Variants in SLC35G1 observed in about 807,000 individuals in gnomAD.
The protein encoded by SLC35G1 is partner of STIM1.
In SLC35G1, 10 loss-of-function variants were observed where a neutral mutation model predicts 17.1. That is an observed-to-expected ratio of 0.59 (90% CI 0.36 to 0.99). The LOEUF (loss-of-function observed/expected upper bound fraction) is 0.99. SLC35G1 is among the 50% of genes least tolerant of loss of function. SLC35G1 has a pLI of 0.01. For synonymous variants in SLC35G1, 185 were observed against 181.1 expected, an observed-to-expected ratio of 1.02 and a Z score of -0.18; for missense variants, 433 against 468.4, an observed-to-expected ratio of 0.92 and a Z score of 0.70.
Position 93,901,142 on chromosome 10 carries a change from C to T in SLC35G1, c.750C>T (p.Asp250=). 1 of 1,614,084 alleles carries T rather than the reference C, an allele frequency of 6.2e-7. No individual in the cohort carries two copies. The highest frequency in any genetic ancestry group is 8.5e-7 in the Non-Finnish European group (1 of 1,179,978). The change falls in exon 3 of 3, where the codon GAC becomes GAT. Residue 250 remains aspartate (D), a synonymous_variant. Transcript: ENST00000427197. ...VILRKMGKSV[D]YFLSIWYYVV... ...TAAGAAAAATGGGAAAATCTGTGGACTACTTTCTGAGCATTTGGTATTATG... is the reference window on the plus strand; with the variant it reads ...TAAGAAAAATGGGAAAATCTGTGGATTACTTTCTGAGCATTTGGTATTATG...
rs554614167 is a variant in SLC35G1 at position 93,894,521 on chromosome 10, A to G, written c.178+310A>G. On this transcript the variant is annotated intron_variant, in intron 1 of 2. Coordinates refer to ENST00000427197, the MANE Select transcript of SLC35G1 (RefSeq NM_001134658.3). ...ACTGCAGTTTGGCGTACCCTCCCCTAGGTCGTAGGTGGGGGGTCAGCGAGA... is the reference window on the plus strand; with the variant it reads ...ACTGCAGTTTGGCGTACCCTCCCCTGGGTCGTAGGTGGGGGGTCAGCGAGA... Among the ~76,000 whole-genome samples, 6 of 152,040 alleles carry G rather than the reference A, an allele frequency of 3.9e-5. No homozygotes were observed. In the South Asian group the frequency reaches 1.0e-3, roughly 26 times the overall value.
rs910223766 is a variant in SLC35G1, at chr10:93,894,026, G to T, written c.-8G>T. 14 of 1,412,152 alleles carry T rather than the reference G, an allele frequency of 9.9e-6. No individual in the cohort carries two copies. The highest frequency in any genetic ancestry group is 3.2e-5 in the Admixed American group (1 of 31,430). The allele number at this position is 1,412,152 out of a possible 1,614,324, so 87.5% of individuals were successfully genotyped here. ...GGCACCGGCCGCTGGTAGAGCGCGT[G>T]CCGCGAGATGCGGCCTCAGGACAGC... On this transcript the variant is annotated 5_prime_UTR_variant, in exon 1 of 3. Coordinates refer to ENST00000427197, the MANE Select transcript of SLC35G1 (RefSeq NM_001134658.3).
rs775445213 is a variant in SLC35G1, at chr10:93,901,398, G to A, written c.1006G>A (p.Val336Met). The change falls in exon 3 of 3, where the codon GTG becomes ATG. Residue 336 changes from valine to methionine, a missense_variant. Coordinates refer to ENST00000427197, the MANE Select transcript of SLC35G1 (RefSeq NM_001134658.3). ...CTTTCAGATTATTTTCTTTAATAAT[G>A]TGCCAACGTGGTGGACAGTGGGTGG... Reference protein sequence around the residue: ...FIFQIIFFNNVPTWWTVGGAL... With the variant: ...FIFQIIFFNNMPTWWTVGGAL... 4 of 1,614,110 alleles carry A rather than the reference G, an allele frequency of 2.5e-6. No homozygotes were observed. Among genetic ancestry groups the A allele is most frequent in the South Asian group, 2.2e-5 (2 of 91,084 alleles).
Position 93,901,080 on chromosome 10 carries a change from G to A in SLC35G1, c.688G>A (p.Gly230Arg). 6.2e-7 allele frequency: 1 copy of A among 1,614,106 alleles called. No individual in the cohort carries two copies. The highest frequency in any genetic ancestry group is 8.5e-7 in the Non-Finnish European group (1 of 1,179,988). Residue 230 changes from glycine to arginine, a missense_variant, in exon 3 of 3, where the codon GGA becomes AGA. Transcript: ENST00000427197. Reference protein sequence around the residue: ...GHLKGTFAAIGSAVFAASTLV... With the variant: ...GHLKGTFAAIRSAVFAASTLV... ...CCTTAAGGGAACATTCGCAGCAATTGGAAGTGCCGTATTTGCTGCATCGAC... is the reference window on the plus strand; with the variant it reads ...CCTTAAGGGAACATTCGCAGCAATTAGAAGTGCCGTATTTGCTGCATCGAC...
At chr10:93,899,793 G>A (rs1367419562) in intron 2 of SLC35G1, among the ~76,000 whole-genome samples, 4 of 152,286 alleles carry the variant, frequency 2.6e-5, no homozygotes, top group Middle Eastern at 3.4e-3. Flanking sequence ...GCAGAACACC[G>A]ATGCTAACAT....
chr10:93,895,908 T>C (rs1184449950), intron 1 of SLC35G1, among the ~76,000 whole-genome samples: 1 of 152,046 alleles, frequency 6.6e-6, no homozygotes, highest in Admixed American at 6.5e-5. Flanking sequence ...AGTGATCGAG[T>C]GTAGCAGTGG....
Position 93,901,811 on chromosome 10 carries a change from T to C in SLC35G1, c.*321T>C, listed in dbSNP as rs2060389280. 4.7e-6 allele frequency: 1 copy of C among 214,554 alleles called. No individual in the cohort carries two copies. Among genetic ancestry groups the C allele is most frequent in the Non-Finnish European group, 9.1e-6 (1 of 109,576 alleles). 13.3% of individuals were successfully genotyped at this position (214,554 alleles called of 1,614,324 possible). A position where few individuals can be genotyped will look rare whatever the true frequency, so the allele number is the denominator to read the frequency against. ...TAATATTTATGTAATTTTTAAAATG[T>C]ATTTTTGGTACTGATGGGATATGGG... On this transcript the variant is annotated 3_prime_UTR_variant, in exon 3 of 3. Coordinates refer to ENST00000427197, the MANE Select transcript of SLC35G1 (RefSeq NM_001134658.3).
In SLC35G1 at chr10:93,894,031, G is replaced by T. The variant is rs1427212296; in HGVS notation, c.-3G>T. ...CGGCCGCTGGTAGAGCGCGTGCCGC[G>T]AGATGCGGCCTCAGGACAGCACCGG... On this transcript the variant is annotated 5_prime_UTR_variant, in exon 1 of 3. Coordinates refer to ENST00000427197, the MANE Select transcript of SLC35G1 (RefSeq NM_001134658.3). 5 of 1,424,210 alleles carry T rather than the reference G, an allele frequency of 3.5e-6. No individual in the cohort carries two copies. Among genetic ancestry groups the T allele is most frequent in the Non-Finnish European group, 3.7e-6 (4 of 1,095,404 alleles). 88.2% of individuals were successfully genotyped at this position (1,424,210 alleles called of 1,614,324 possible).
chr10:93,909,828 A>G (rs2060449628), exon 3 of SLC35G1: 1 of 152,344 alleles, frequency 6.6e-6, no homozygotes, highest in East Asian at 1.9e-4. Flanking sequence ...ATCGTTTCAC[A>G]AATAAGACTC....
chr10:93,901,628 A>T lies in SLC35G1; in HGVS notation c.*138A>T. The T allele has an allele frequency of 1.0e-6, 1 of 979,832 alleles. No individual in the cohort carries two copies. The highest frequency in any genetic ancestry group is 1.4e-6 in the Non-Finnish European group (1 of 712,062). 60.7% of individuals were successfully genotyped at this position (979,832 alleles called of 1,614,324 possible). A position where few individuals can be genotyped will look rare whatever the true frequency, so the allele number is the denominator to read the frequency against. On this transcript the variant is annotated 3_prime_UTR_variant, in exon 3 of 3. Coordinates refer to ENST00000427197, the MANE Select transcript of SLC35G1 (RefSeq NM_001134658.3). ...ATTGCCTAAAGTACCATTTTTGAAT[A>T]TAGTATGTCTTTAGTTAAGAATAGC...
At position 93,900,821 on chromosome 10, in the gene SLC35G1, C is replaced by T; in HGVS notation, c.429C>T (p.Ala143=). Residue 143 remains alanine, a synonymous_variant, in exon 3 of 3, where the codon GCC becomes GCT. Coordinates refer to ENST00000427197, the MANE Select transcript of SLC35G1 (RefSeq NM_001134658.3). ...TCAGAGGAGTCCTTGGTTCTACCGCCATGATGCTTATATACTATGCTTACC... is the reference window on the plus strand; with the variant it reads ...TCAGAGGAGTCCTTGGTTCTACCGCTATGATGCTTATATACTATGCTTACC... The part of the protein sequence containing the change: ...LILRGVLGST[A]MMLIYYAYQT... 1 of 1,614,028 alleles carries T rather than the reference C, an allele frequency of 6.2e-7. No individual in the cohort carries two copies. Among genetic ancestry groups the T allele is most frequent in the South Asian group, 1.1e-5 (1 of 91,070 alleles).
At chr10:93,898,189 G>T (rs376226347) in intron 1 of SLC35G1, among the ~76,000 whole-genome samples, 1 of 152,238 alleles carries the variant, frequency 6.6e-6, no homozygotes, top group South Asian at 2.1e-4. Flanking sequence ...AGCCAATTTC[G>T]CCAGTGAGGT....
At chr10:93,894,245 G>T in intron 1 of SLC35G1, 34 bp downstream of exon 1, 1 of 1,308,696 alleles carries the variant, frequency 7.6e-7, no homozygotes, top group Non-Finnish European at 9.7e-7. Flanking sequence ...CTCTGGTCTC[G>T]CTCGGGGGTC....
At position 93,894,168 on chromosome 10, in the gene SLC35G1, C is replaced by T; in HGVS notation, c.135C>T (p.Cys45=). ...EAAGAPDRGR[C]WLCLSSPCCS... is the part of the protein sequence containing the mutation. ...CTGGGGCGCCAGACCGCGGTAGGTG[C>T]TGGCTCTGCCTTTCCTCGCCGTGTT... The change falls in exon 1 of 3, where the codon TGC becomes TGT. Residue 45 remains cysteine (C), a synonymous_variant. Transcript: ENST00000427197. 4 of 1,463,400 alleles carry T rather than the reference C, an allele frequency of 2.7e-6. No individual in the cohort carries two copies. The highest frequency in any genetic ancestry group is 3.6e-6 in the Non-Finnish European group (4 of 1,114,952). 90.7% of individuals were successfully genotyped at this position (1,463,400 alleles called of 1,614,324 possible).
chr10:93,901,683 AGCTTTG>A lies in SLC35G1; in HGVS notation c.*195_*200del. 1 of 608,426 alleles carries A rather than the reference AGCTTTG, an allele frequency of 1.6e-6. No individual in the cohort carries two copies. Among genetic ancestry groups the A allele is most frequent in the Non-Finnish European group, 2.4e-6 (1 of 417,846 alleles). The allele number at this position is 608,426 out of a possible 1,614,324, so 37.7% of individuals were successfully genotyped here. ...CTGTTTGGTGTAACAATTTTTTGGTAGCTTTGGTTTTGGTTTTGGTTTTTTTTGTTG... is the reference window on the plus strand; with the variant it reads ...CTGTTTGGTGTAACAATTTTTTGGTAGTTTTGGTTTTGGTTTTTTTTGTTG... On this transcript the variant is annotated 3_prime_UTR_variant, in exon 3 of 3. Transcript: ENST00000427197.
At position 93,903,125 on chromosome 10, in the gene SLC35G1, A is replaced by G. The variant is rs1423517725; in HGVS notation, c.*1635A>G. The stretch of plus-strand genomic sequence containing the variant: ...CCTTAGTGAGAAAGAATCTTTTCCA[A>G]TAGTTCCAATGGGGGAATTTTTGGC... On this transcript the variant is annotated 3_prime_UTR_variant, in exon 3 of 3. Coordinates refer to ENST00000427197, the MANE Select transcript of SLC35G1 (RefSeq NM_001134658.3). The G allele has an allele frequency of 1.3e-5, 2 of 152,148 alleles. No homozygotes were observed. The highest frequency in any genetic ancestry group is 1.9e-4 in the East Asian group (1 of 5,200). 9.4% of individuals were successfully genotyped at this position (152,148 alleles called of 1,614,324 possible).
At chr10:93,899,468 T>C (rs1357692014) in intron 2 of SLC35G1, among the ~76,000 whole-genome samples, 1 of 152,170 alleles carries the variant, frequency 6.6e-6, no homozygotes, top group Admixed American at 6.5e-5. Context: ...CCTTCAACCA[T>C]TGTAACCTCC....
At position 93,901,313 on chromosome 10, in the gene SLC35G1, A is replaced by G. The variant is rs1008524921; in HGVS notation, c.921A>G (p.Gln307=). The change falls in exon 3 of 3, where the codon CAA becomes CAG. Residue 307 remains glutamine (Q), a synonymous_variant. Coordinates refer to ENST00000427197, the MANE Select transcript of SLC35G1 (RefSeq NM_001134658.3). ...GGQIFITKAL[Q]IEKAGPVAIM... is the part of the protein sequence containing the mutation. ...AGATATTTATCACAAAAGCACTTCA[A>G]ATAGAAAAAGCAGGGCCAGTAGCAA... 7.4e-6 allele frequency: 12 copies of G among 1,613,870 alleles called. No homozygotes were observed. The highest frequency in any genetic ancestry group is 1.0e-5 in the Non-Finnish European group (12 of 1,179,966).
At chr10:93,897,757 G>A (rs939432853) in intron 1 of SLC35G1, among the ~76,000 whole-genome samples, 3 of 152,170 alleles carry the variant, frequency 2.0e-5, no homozygotes, top group East Asian at 1.9e-4. Context: ...TGGTTTCCTC[G>A]TTCAGATCGA....
Sources: gnomAD v4.1 joint callset for allele counts (sites outside exome capture counted in the v4.1 genomes callset) on GRCh38, gnomAD v4.1.1 for gene constraint, MANE v1.5 for transcripts, NCBI Gene and HGNC (gene_info 2026-07-23, HGNC 2026-07-21) for gene names.